Variants in SHTN1 observed in about 807,000 individuals in gnomAD.
SHTN1 encodes shootin-1.
Under a neutral mutation model 83.1 loss-of-function variants are expected in SHTN1, and 42 were observed. That is an observed-to-expected ratio of 0.51 (90% CI 0.39 to 0.65). The LOEUF (loss-of-function observed/expected upper bound fraction) is 0.65, where lower values mean the gene tolerates loss of function less well. SHTN1 is among the 30% of genes least tolerant of loss of function. The probability of loss-of-function intolerance (pLI) is 0.00; values close to 1 mark genes in which losing one functional copy is unlikely to be tolerated. For synonymous variants in SHTN1, 224 were observed against 247.7 expected (o/e 0.90, Z 0.90); for missense variants, 622 against 737.8 (o/e 0.84, Z 1.82).
At chr10:116,925,962 T>C (rs145204727) in intron 11 of SHTN1, among the ~76,000 whole-genome samples, 29 of 152,140 alleles carry the variant, frequency 1.9e-4, no homozygotes, top group African/African-American at 6.0e-4. Context: ...ACTCAATACA[T>C]GTGCAAATAT....
chr10:117,079,436 T>C (rs1853223228), intron 1 of SHTN1, among the ~76,000 whole-genome samples: 1 of 118,104 alleles, frequency 8.5e-6, no homozygotes, highest in East Asian at 2.4e-4. Context: ...CAGTCTATCA[T>C]TGTTGGACAT....
At chr10:116,919,056 C>A (rs1848465524) in intron 12 of SHTN1, among the ~76,000 whole-genome samples, 1 of 152,138 alleles carries the variant, frequency 6.6e-6, no homozygotes, top group Admixed American at 6.5e-5. Flanking sequence ...GAATACCTTA[C>A]CAACTGTAAG....
chr10:117,063,716 A>G (rs915816805), intron 1 of SHTN1, among the ~76,000 whole-genome samples: 1 of 152,030 alleles, frequency 6.6e-6, no homozygotes, highest in African/African-American at 2.4e-5. Context: ...TTGAATGTTC[A>G]AGGTCTTTTT....
intron 3 of SHTN1, among the ~76,000 whole-genome samples, chr10:116,966,447 AGT>A (rs1850400588): frequency 6.6e-6 from 1 of 152,260 alleles, no homozygotes; most frequent in Non-Finnish European, 1.5e-5. Context: ...AAAGACACTT[AGT>A]AAAGGTAAAA....
intron 11 of SHTN1, 46 bp from the exon 12 acceptor site, chr10:116,921,562 G>C (rs374452256): frequency 2.3e-5 from 33 of 1,405,640 alleles, no homozygotes; most frequent in Non-Finnish European, 6.0e-6. Context: ...TGGATGCCTA[G>C]ATCCTAAATA....
chr10:116,945,729 T>TG (rs1849549736), intron 7 of SHTN1, among the ~76,000 whole-genome samples: 1 of 152,226 alleles, frequency 6.6e-6, no homozygotes, highest in African/African-American at 2.4e-5. Context: ...ACATTTGGCA[T>TG]GTGTCTTAAA....
chr10:117,013,190 T>A (rs1223289268), intron 2 of SHTN1, among the ~76,000 whole-genome samples: 1 of 152,324 alleles, frequency 6.6e-6, no homozygotes, highest in Non-Finnish European at 1.5e-5. Flanking sequence ...TTATTTATTT[T>A]TTGAGACTGA....
chr10:117,019,198 T>C (rs1246713796), intron 2 of SHTN1, among the ~76,000 whole-genome samples: 2 of 152,070 alleles, frequency 1.3e-5, no homozygotes, highest in Non-Finnish European at 2.9e-5. Flanking sequence ...AATTTTTTTT[T>C]TTTCTTTGAG....
chr10:116,907,836 G>A, intron 14 of SHTN1: 2 of 511,884 alleles, frequency 3.9e-6, no homozygotes, highest in South Asian at 1.4e-5. Flanking sequence ...TGTCCACCAA[G>A]GCTAATAATC....
chr10:116,962,526 A>C (rs575304033), intron 3 of SHTN1, among the ~76,000 whole-genome samples: 2 of 152,136 alleles, frequency 1.3e-5, no homozygotes, highest in Non-Finnish European at 2.9e-5. Context: ...AACACTCTGC[A>C]TTTTTCATAG....
intron 2 of SHTN1, among the ~76,000 whole-genome samples, chr10:116,975,294 A>G (rs1850760396): frequency 2.0e-5 from 3 of 152,334 alleles, no homozygotes; most frequent in Middle Eastern, 3.4e-3. Context: ...AAAGCAATAA[A>G]TTCTGCTTGT....
chr10:117,000,789 T>C (rs568888214), intron 1 of SHTN1, among the ~76,000 whole-genome samples: 18 of 152,170 alleles, frequency 1.2e-4, no homozygotes, highest in Non-Finnish European at 2.6e-4. Flanking sequence ...AGTATTTGAA[T>C]ACATGAGATT....
chr10:117,000,163 C>G (rs904423127), intron 1 of SHTN1, among the ~76,000 whole-genome samples: 2 of 152,136 alleles, frequency 1.3e-5, no homozygotes, highest in African/African-American at 4.8e-5. Context: ...CACTTGAAAA[C>G]AAGGCAACAT....
chr10:117,121,198 A>G (rs1413904759), intron 1 of SHTN1, among the ~76,000 whole-genome samples: 1 of 152,236 alleles, frequency 6.6e-6, no homozygotes, highest in East Asian at 1.9e-4. Flanking sequence ...TAAAAAAGAT[A>G]TTATGAAGAT....
chr10:116,928,031 A>T, intron 10 of SHTN1, 140 bp from the exon 11 acceptor site: 11 of 913,478 alleles, frequency 1.2e-5, no homozygotes, highest in African/African-American at 1.7e-5. Context: ...ATATGAAATT[A>T]CAGACCTTTT....
At chr10:116,978,458 A>C (rs1850887830) in intron 2 of SHTN1, among the ~76,000 whole-genome samples, 1 of 152,088 alleles carries the variant, frequency 6.6e-6, no homozygotes, top group African/African-American at 2.4e-5. Context: ...CCAACAAAGT[A>C]ATTTTTTAAA....
intron 16 of SHTN1, among the ~76,000 whole-genome samples, chr10:116,887,273 T>C (rs578030793): frequency 8.2e-4 from 125 of 152,346 alleles, no homozygotes; most frequent in African/African-American, 2.9e-3. Context: ...TCTCTTCTGC[T>C]GCAAGAAGCT....
At chr10:117,018,870 C>G (rs528932745) in intron 2 of SHTN1, among the ~76,000 whole-genome samples, 1 of 152,208 alleles carries the variant, frequency 6.6e-6, no homozygotes. Flanking sequence ...TGCGCCTGGC[C>G]TGCACTCACC....
chr10:117,076,570 A>T (rs1391667980), intron 1 of SHTN1, among the ~76,000 whole-genome samples: 1 of 152,232 alleles, frequency 6.6e-6, no homozygotes, highest in Non-Finnish European at 1.5e-5. Flanking sequence ...TGTATACCAT[A>T]ATTCCATATA....
Sources: allele counts gnomAD v4.1 joint callset (sites outside exome capture counted in the v4.1 genomes callset), GRCh38; gene constraint gnomAD v4.1.1; transcripts MANE v1.5; gene names NCBI Gene and HGNC (gene_info 2026-07-23, HGNC 2026-07-21).